Variants in TM9SF3 observed in about 807,000 individuals in gnomAD.
TM9SF3 encodes the protein SM-11044-binding protein.
TM9SF3 carries 14 observed loss-of-function variants against 78.6 expected under a neutral mutation model. The observed-to-expected ratio is 0.18, with a 90% CI of 0.12 to 0.28. The LOEUF (loss-of-function observed/expected upper bound fraction) is 0.28. Among genes scored for constraint, TM9SF3 ranks in the 10% least tolerant of loss-of-function variants. The probability of loss-of-function intolerance (pLI) is 1.00; values close to 1 mark genes in which losing one functional copy is unlikely to be tolerated. For synonymous variants in TM9SF3, 231 were observed against 241.7 expected (o/e 0.96, Z 0.41); for missense variants, 496 against 721.9 (o/e 0.69, Z 3.59).
In TM9SF3 at chr10:96,550,630, G is replaced by GT. The variant is rs1848157717; in HGVS notation, c.959+614dup. On this transcript the variant is annotated intron_variant, in intron 7 of 14. Transcript: ENST00000371142. ...GGGACCTGAGATCTTCTGTGAATGT[G>GT]TAACTTTTTCACATAATTCAAAGAC... Among the ~76,000 whole-genome samples the GT allele has an allele frequency of 2.0e-5, 3 of 152,146 alleles. No homozygotes were observed. The South Asian group carries it at 6.2e-4, about 32-fold the overall frequency.
At chr10:96,570,596 T>C (rs1266715383) in intron 2 of TM9SF3, among the ~76,000 whole-genome samples, 1 of 152,202 alleles carries the variant, frequency 6.6e-6, no homozygotes, top group Non-Finnish European at 1.5e-5. Flanking sequence ...GGACAACATA[T>C]TGTACCAAGT....
At chr10:96,542,048 G>T (rs1848040167) in intron 9 of TM9SF3, among the ~76,000 whole-genome samples, 2 of 152,180 alleles carry the variant, frequency 1.3e-5, no homozygotes, top group Admixed American at 1.3e-4. Context: ...GTGTGCCCAG[G>T]GTTGAGAATC....
At position 96,521,491 on chromosome 10, in the gene TM9SF3, C is replaced by G. The variant is rs1374882687; in HGVS notation, c.*772G>C. 6.6e-6 allele frequency: 1 copy of G among 152,182 alleles called. No individual in the cohort carries two copies. The highest frequency in any genetic ancestry group is 2.4e-5 in the African/African-American group (1 of 41,392). The allele number at this position is 152,182 out of a possible 1,614,324, so 9.4% of individuals were successfully genotyped here. A position where few individuals can be genotyped will look rare whatever the true frequency, so the allele number is the denominator to read the frequency against. On this transcript the variant is annotated 3_prime_UTR_variant, in exon 15 of 15. Transcript: ENST00000371142. ...TAAATCTCAAAATGTTTAATAAAAA[C>G]AAGTATCTTCTCCATTTAACACTTT...
At chr10:96,536,239 A>G (rs948899296) in intron 9 of TM9SF3, among the ~76,000 whole-genome samples, 1 of 152,166 alleles carries the variant, frequency 6.6e-6, no homozygotes, top group Non-Finnish European at 1.5e-5. Flanking sequence ...CCTTCCTGCC[A>G]AGATTGGGAA....
chr10:96,545,191 G>A (rs1848082506), intron 8 of TM9SF3, among the ~76,000 whole-genome samples: 1 of 152,098 alleles, frequency 6.6e-6, no homozygotes, highest in African/African-American at 2.4e-5. Flanking sequence ...GGGTAAAGCT[G>A]GCAGAAAATA....
intron 14 of TM9SF3, among the ~76,000 whole-genome samples, chr10:96,522,694 T>C (rs1165709702): frequency 6.6e-6 from 1 of 151,872 alleles, no homozygotes; most frequent in Non-Finnish European, 1.5e-5. Flanking sequence ...TTCTAGGTCA[T>C]TAAAGTAAAA....
chr10:96,533,585 A>G (rs925453097), intron 9 of TM9SF3, among the ~76,000 whole-genome samples: 6 of 152,148 alleles, frequency 3.9e-5, no homozygotes, highest in African/African-American at 1.4e-4. Context: ...TAAGAGCTTT[A>G]TATGTGTTAT....
Position 96,553,263 on chromosome 10 carries a change from T to C in TM9SF3, c.661-204A>G, listed in dbSNP as rs187915600. On this transcript the variant is annotated intron_variant, in intron 5 of 14. Transcript: ENST00000371142. ...TGGCTTTCTTTACAATAAGCACCCA[T>C]ATGTTGAAAACATGCTATCATTTAT... Among the ~76,000 whole-genome samples the C allele has an allele frequency of 1.2e-4, 19 of 152,332 alleles. No homozygotes were observed. In the East Asian group the frequency reaches 3.5e-3, roughly 28 times the overall value.
chr10:96,586,059 C>A (rs952254528), intron 1 of TM9SF3, among the ~76,000 whole-genome samples: 1 of 152,172 alleles, frequency 6.6e-6, no homozygotes, highest in Non-Finnish European at 1.5e-5. Context: ...TAGTTAGAGA[C>A]TATCGGGATG....
intron 14 of TM9SF3, among the ~76,000 whole-genome samples, chr10:96,523,933 T>C (rs1445262612): frequency 6.6e-6 from 1 of 151,860 alleles, no homozygotes; most frequent in Non-Finnish European, 1.5e-5. Context: ...ATTAACTGAA[T>C]TATTCCATCA....
intron 3 of TM9SF3, among the ~76,000 whole-genome samples, chr10:96,564,232 C>A (rs936746135): frequency 2.6e-5 from 4 of 151,750 alleles, no homozygotes; most frequent in African/African-American, 9.7e-5. Flanking sequence ...TCTGAGGCTA[C>A]AATGAGCTAT....
intron 5 of TM9SF3, among the ~76,000 whole-genome samples, chr10:96,553,911 A>G (rs542618158): frequency 6.6e-6 from 1 of 152,316 alleles, no homozygotes; most frequent in Admixed American, 6.5e-5. Context: ...TTCCCAAAAG[A>G]TCTTTAGGGA....
intron 9 of TM9SF3, among the ~76,000 whole-genome samples, chr10:96,536,212 T>C (rs12218847): frequency 0.2 from 31,146 of 152,012 alleles, 3,557 homozygotes; most frequent in Admixed American, 0.3. Flanking sequence ...TTTTAATTAA[T>C]GGCATAAAAC....
intron 5 of TM9SF3, among the ~76,000 whole-genome samples, chr10:96,558,454 C>T (rs1001789239): frequency 6.6e-6 from 1 of 151,912 alleles, no homozygotes; most frequent in African/African-American, 2.4e-5. Context: ...ACCAGCCTGA[C>T]CAACATGGTG....
intron 7 of TM9SF3, among the ~76,000 whole-genome samples, chr10:96,550,276 AG>A (rs1191891946): frequency 6.6e-6 from 1 of 152,232 alleles, no homozygotes; most frequent in Non-Finnish European, 1.5e-5. Context: ...GAGAATTCAA[AG>A]GTAAGTTATG....
intron 4 of TM9SF3, chr10:96,560,087 C>T (rs1848286418): frequency 1.7e-6 from 1 of 605,704 alleles, no homozygotes. Flanking sequence ...ATCTGTACAT[C>T]TGCCTGGTGT....
chr10:96,580,058 C>A (rs767108011), intron 1 of TM9SF3, among the ~76,000 whole-genome samples: 2 of 152,192 alleles, frequency 1.3e-5, no homozygotes, highest in Non-Finnish European at 2.9e-5. Context: ...AGCAGTGTAT[C>A]AGGGGATCCC....
intron 5 of TM9SF3, 89 bp downstream of exon 5, chr10:96,559,570 A>C (rs1047482624): frequency 1.1e-6 from 1 of 937,006 alleles, no homozygotes; most frequent in African/African-American, 1.7e-5. Context: ...ACAGTCCTCA[A>C]CACAGTGCCC....
chr10:96,527,146 T>G (rs1475642251), intron 14 of TM9SF3, 67 bp downstream of exon 14: 2 of 1,348,106 alleles, frequency 1.5e-6, no homozygotes, highest in Non-Finnish European at 2.1e-6. Flanking sequence ...AATTTCCAAT[T>G]ACTGTATTTT....
Sources: gnomAD v4.1 joint callset for allele counts (sites outside exome capture counted in the v4.1 genomes callset) on GRCh38, gnomAD v4.1.1 for gene constraint, MANE v1.5 for transcripts, NCBI Gene and HGNC (gene_info 2026-07-23, HGNC 2026-07-21) for gene names.